ERG: variants seen among roughly 807,000 people sequenced by gnomAD.
The protein encoded by ERG is transcriptional regulator ERG.
In ERG, 9 loss-of-function variants were observed where a neutral mutation model predicts 55.3. The ratio of observed to expected loss-of-function variants is 0.16; its 90% CI spans 0.10 to 0.28. ERG has a LOEUF of 0.28. Ranked by LOEUF, ERG falls within the 10% of genes least tolerant of loss-of-function variation. The pLI is 1.00. For synonymous variants in ERG, 223 were observed against 237.3 expected, an observed-to-expected ratio of 0.94 and a Z score of 0.55; for missense variants, 434 against 631.6, an observed-to-expected ratio of 0.69 and a Z score of 3.35.
intron 6 of ERG, chr21:38,395,514 G>C (rs1339279727): frequency 4.9e-6 from 1 of 205,562 alleles, no homozygotes; most frequent in African/African-American, 2.3e-5. Flanking sequence ...TCATATGCTT[G>C]GCAGAAGTGC....
Position 38,488,369 on chromosome 21 carries a change from A to G in ERG, c.18+9994T>C, listed in dbSNP as rs188084032. Among the ~76,000 whole-genome samples, 5 of 152,276 alleles carry G rather than the reference A, an allele frequency of 3.3e-5. No individual in the cohort carries two copies. The East Asian group carries it at 9.7e-4, about 29-fold the overall frequency. ...ACCCTTTGGTGCTTCGCCAGTGCTT[A>G]AGGGGCTCCCAGGTGCTATTTATTT... is the stretch of plus-strand genomic sequence containing the variant. On this transcript the variant is annotated intron_variant, in intron 1 of 9. Coordinates refer to ENST00000288319, the MANE Select transcript of ERG (RefSeq NM_182918.4).
intron 2 of ERG, among the ~76,000 whole-genome samples, chr21:38,503,693 G>A (rs779591714): frequency 2.0e-5 from 3 of 152,150 alleles, no homozygotes; most frequent in African/African-American, 4.8e-5. Context: ...AATTTAAAAT[G>A]CATAGTGTTT....
intron 1 of ERG, among the ~76,000 whole-genome samples, chr21:38,453,656 G>A (rs1420551277): frequency 6.6e-6 from 1 of 152,156 alleles, no homozygotes; most frequent in Non-Finnish European, 1.5e-5. Flanking sequence ...GCCGAGGCAG[G>A]TGGATCACCT....
In ERG at chr21:38,577,536, G is replaced by C. The variant is rs147124659; in HGVS notation, c.-126-1789C>G. ...TGAAGTGCAGTCCTGAAATTGAACC[G>C]GGAAGCAGATGAAGGTGACCAGGCT... On this transcript the variant is annotated intron_variant, in intron 1 of 8. Coordinates refer to the ERG transcript ENST00000398897. Among the ~76,000 whole-genome samples the C allele has an allele frequency of 2.8e-3, 426 of 152,204 alleles. 1 individual carries two copies. The highest frequency in any genetic ancestry group is 9.6e-3 in the African/African-American group (398 of 41,518).
intron 2 of ERG, among the ~76,000 whole-genome samples, chr21:38,519,858 A>G (rs1305085382): frequency 2.6e-5 from 4 of 152,176 alleles, no homozygotes; most frequent in Admixed American, 2.6e-4. Flanking sequence ...CTAACCACAC[A>G]TGTAGAAGCA....
chr21:38,458,628 G>A (rs1460884977), intron 1 of ERG, among the ~76,000 whole-genome samples: 11 of 152,026 alleles, frequency 7.2e-5, no homozygotes, highest in Admixed American at 7.2e-4. Flanking sequence ...CCAGGATCTC[G>A]CAAACGTTCA....
intron 1 of ERG, among the ~76,000 whole-genome samples, chr21:38,635,698 A>C (rs541283978): frequency 6.6e-6 from 1 of 152,356 alleles, no homozygotes; most frequent in Admixed American, 6.5e-5. Flanking sequence ...ACTTTGCAAT[A>C]ACCTTTTCTG....
At chr21:38,459,401 T>C (rs1382772000) in intron 1 of ERG, among the ~76,000 whole-genome samples, 1 of 152,234 alleles carries the variant, frequency 6.6e-6, no homozygotes, top group African/African-American at 2.4e-5. Context: ...GAAAGTAGTG[T>C]CTGATTCCCT....
chr21:38,455,828 G>A (rs1218266986), intron 1 of ERG, among the ~76,000 whole-genome samples: 1 of 151,516 alleles, frequency 6.6e-6, no homozygotes, highest in Admixed American at 6.6e-5. Flanking sequence ...AGGGGGTGGG[G>A]GTGTCAAAAC....
At chr21:38,647,537 G>GA (rs1396317538) in intron 1 of ERG, among the ~76,000 whole-genome samples, 23 of 151,780 alleles carry the variant, frequency 1.5e-4, no homozygotes, top group African/African-American at 5.1e-4. Context: ...GGACAATTAG[G>GA]AAAAAAAATC....
At chr21:38,450,391 A>G (rs1450563796) in intron 1 of ERG, among the ~76,000 whole-genome samples, 1 of 152,048 alleles carries the variant, frequency 6.6e-6, no homozygotes, top group Admixed American at 6.5e-5. Flanking sequence ...AAAATAAAAT[A>G]AAATAAGAAA....
At chr21:38,660,304 C>A (rs1344121901) in intron 1 of ERG, among the ~76,000 whole-genome samples, 5 of 152,210 alleles carry the variant, frequency 3.3e-5, no homozygotes, top group South Asian at 2.1e-4. Flanking sequence ...TTTCGGGGTG[C>A]CCCCTCCTCT....
chr21:38,626,773 T>G (rs1163708867), intron 1 of ERG, among the ~76,000 whole-genome samples: 3 of 152,194 alleles, frequency 2.0e-5, no homozygotes, highest in Non-Finnish European at 4.4e-5. Context: ...TTATAACCTT[T>G]ATTGATTGAT....
chr21:38,508,220 A>C (rs1484943424), intron 2 of ERG, among the ~76,000 whole-genome samples: 1 of 151,906 alleles, frequency 6.6e-6, no homozygotes, highest in Non-Finnish European at 1.5e-5. Context: ...CTCTCTCCCA[A>C]GTCTAGCTGC....
intron 1 of ERG, among the ~76,000 whole-genome samples, chr21:38,610,992 A>ACTTC (rs2060223480): frequency 5.3e-5 from 8 of 152,156 alleles, no homozygotes; most frequent in Admixed American, 5.2e-4. Flanking sequence ...CCTTGGAGGG[A>ACTTC]AGCAATCCCT....
At chr21:38,478,271 C>T (rs1418037457) in intron 1 of ERG, among the ~76,000 whole-genome samples, 3 of 152,274 alleles carry the variant, frequency 2.0e-5, no homozygotes, top group Non-Finnish European at 2.9e-5. Flanking sequence ...ACATGCTTAA[C>T]TGTTCCTTTT....
At chr21:38,573,420 T>G (rs527311530) in intron 2 of ERG, among the ~76,000 whole-genome samples, 47 of 152,200 alleles carry the variant, frequency 3.1e-4, no homozygotes, top group Non-Finnish European at 6.5e-4. Flanking sequence ...TAAAACCCAA[T>G]TGTACATTTG....
At chr21:38,541,620 G>T (rs1294961364) in intron 2 of ERG, among the ~76,000 whole-genome samples, 1 of 152,196 alleles carries the variant, frequency 6.6e-6, no homozygotes, top group Admixed American at 6.5e-5. Flanking sequence ...TTTTGTGAGT[G>T]ATTTATGCTA....
upstream of ERG, among the ~76,000 whole-genome samples, chr21:38,589,664 G>T (rs1004803800): frequency 6.6e-6 from 1 of 152,172 alleles, no homozygotes; most frequent in Non-Finnish European, 1.5e-5. Flanking sequence ...GTGGCACTTG[G>T]AACTGTGAGA....
Sources: gnomAD v4.1 joint callset for allele counts (sites outside exome capture counted in the v4.1 genomes callset) on GRCh38, gnomAD v4.1.1 for gene constraint, MANE v1.5 for transcripts, NCBI Gene and HGNC (gene_info 2026-07-23, HGNC 2026-07-21) for gene names.